TRAPPC10: variants seen among roughly 807,000 people sequenced by gnomAD.
The protein encoded by TRAPPC10 is trafficking protein particle complex subunit 10.
TRAPPC10 carries 23 observed loss-of-function variants against 125.5 expected under a neutral mutation model. The observed-to-expected ratio is 0.18, with a 90% CI of 0.13 to 0.26. TRAPPC10 has a LOEUF of 0.26. TRAPPC10 is among the 10% of genes least tolerant of loss of function. The pLI is 1.00. For synonymous variants in TRAPPC10, 509 were observed against 518.0 expected (o/e 0.98, Z 0.24); for missense variants, 1,123 against 1,308.4 (o/e 0.86, Z 2.19).
At chr21:44,067,191 A>C (rs2036515714) in intron 7 of TRAPPC10, among the ~76,000 whole-genome samples, 1 of 152,148 alleles carries the variant, frequency 6.6e-6, no homozygotes, top group African/African-American at 2.4e-5. Context: ...ACGCCGTCGG[A>C]GTTAGCTGGC....
At position 44,059,028 on chromosome 21, in the gene TRAPPC10, A is replaced by G; in HGVS notation, c.679-75A>G. 1 of 1,039,690 alleles carries G rather than the reference A, an allele frequency of 9.6e-7. No individual in the cohort carries two copies. Among genetic ancestry groups the G allele is most frequent in the South Asian group, 2.2e-5 (1 of 45,610 alleles). The allele number at this position is 1,039,690 out of a possible 1,614,324, so 64.4% of individuals were successfully genotyped here. A position where few individuals can be genotyped will look rare whatever the true frequency, so the allele number is the denominator to read the frequency against. On this transcript the variant is annotated intron_variant, in intron 5 of 22. Transcript: ENST00000291574. The surrounding 1 kb of genome is among the most constrained non-coding windows in gnomAD (Gnocchi z 4.4). The stretch of plus-strand genomic sequence containing the variant: ...TGCTGCGTGCCTTTCTCTGTCGTTT[A>G]ATGGCTACATACTGTTTCTTCTATA...
At position 44,063,794 on chromosome 21, in the gene TRAPPC10, G is replaced by A; in HGVS notation, c.1038+9G>A. 1.2e-6 allele frequency: 2 copies of A among 1,607,098 alleles called. No individual in the cohort carries two copies. Among genetic ancestry groups the A allele is most frequent in the East Asian group, 4.5e-5 (2 of 44,776 alleles). The stretch of plus-strand genomic sequence containing the variant: ...AACTGAAGCTCTTAGAAGTGAGTCG[G>A]CTGTTTTCCCAATTTACCCGTTTCT... On this transcript the variant is annotated intron_variant, in intron 7 of 22. Transcript: ENST00000291574. This position sits in a 1 kb window ranked among gnomAD's most constrained non-coding sequence, Gnocchi z 4.4.
intron 10 of TRAPPC10, among the ~76,000 whole-genome samples, 192 bp downstream of exon 10, chr21:44,076,820 T>C (rs1325893600): frequency 6.6e-6 from 1 of 152,204 alleles, no homozygotes; most frequent in Non-Finnish European, 1.5e-5. Context: ...TTAGTGCCCA[T>C]GGTACCATGC....
chr21:44,014,651 A>G (rs1291163162), intron 1 of TRAPPC10, among the ~76,000 whole-genome samples: 3 of 142,846 alleles, frequency 2.1e-5, no homozygotes, highest in East Asian at 2.0e-4. Context: ...CTGGTCTCGA[A>G]CTCCTGACCT....
chr21:44,021,919 A>G (rs1412727527), intron 1 of TRAPPC10, among the ~76,000 whole-genome samples: 2 of 152,110 alleles, frequency 1.3e-5, no homozygotes, highest in East Asian at 1.9e-4. Flanking sequence ...TTCTTGACCT[A>G]CAGAGCTATG....
intron 7 of TRAPPC10, among the ~76,000 whole-genome samples, chr21:44,064,789 GTTC>G (rs1473945079): frequency 6.6e-6 from 1 of 152,184 alleles, no homozygotes; most frequent in Non-Finnish European, 1.5e-5. Flanking sequence ...AAAAGGAGAA[GTTC>G]TTATTTCAGA....
chr21:44,023,635 A>T (rs892503200), intron 1 of TRAPPC10, among the ~76,000 whole-genome samples: 1 of 152,168 alleles, frequency 6.6e-6, no homozygotes, highest in African/African-American at 2.4e-5. Flanking sequence ...GCACTTAGCA[A>T]TTGCCAAGGA....
chr21:44,052,544 G>T, intron 4 of TRAPPC10, 68 bp downstream of exon 4: 1 of 1,428,444 alleles, frequency 7.0e-7, no homozygotes, highest in South Asian at 1.4e-5. Flanking sequence ...TGGCTTCCTG[G>T]GTAGTAATAA....
At chr21:44,076,698 T>G in intron 10 of TRAPPC10, 70 bp downstream of exon 10, 2 of 1,365,666 alleles carry the variant, frequency 1.5e-6, no homozygotes, top group Non-Finnish European at 2.1e-6. Context: ...CTACATGGCC[T>G]GTTGAGTTGG....
chr21:44,032,637 C>T (rs1569150836), intron 2 of TRAPPC10, among the ~76,000 whole-genome samples: 2 of 152,162 alleles, frequency 1.3e-5, no homozygotes, highest in African/African-American at 4.8e-5. Flanking sequence ...CCTCCTCGGC[C>T]TCTCAAGGTG....
chr21:44,053,408 A>T (rs1365265894), intron 4 of TRAPPC10, among the ~76,000 whole-genome samples: 1 of 152,156 alleles, frequency 6.6e-6, no homozygotes, highest in Non-Finnish European at 1.5e-5. Context: ...CAATAAATGC[A>T]TTTCCAGACT....
chr21:44,081,005 C>CTTTTTTTTTTCTTTTTTT (rs2037673502), intron 13 of TRAPPC10, among the ~76,000 whole-genome samples: 2 of 103,866 alleles, frequency 1.9e-5, no homozygotes, highest in Admixed American at 1.0e-4. Flanking sequence ...TATTATTGTT[C>CTTTTTTTTTTCTTTTTTT]TTTTTTTTTT....
chr21:44,059,318 TTTG>T lies in TRAPPC10; in HGVS notation c.790+112_790+114del, dbSNP rs1272159507. ...TTATTTACCTCAGGAGTACGCATGT[TTTG>T]TTGTTGTCTTTATACACATTATATC... is the stretch of plus-strand genomic sequence containing the variant. On this transcript the variant is annotated intron_variant, in intron 6 of 22. Coordinates refer to ENST00000291574, the MANE Select transcript of TRAPPC10 (RefSeq NM_003274.5). The surrounding 1 kb of genome is among the most constrained non-coding windows in gnomAD (Gnocchi z 4.4). The T allele has an allele frequency of 2.6e-6, 2 of 769,696 alleles. No homozygotes were observed. Among genetic ancestry groups the T allele is most frequent in the African/African-American group, 3.5e-5 (2 of 57,082 alleles). The allele number at this position is 769,696 out of a possible 1,614,324, so 47.7% of individuals were successfully genotyped here. A position where few individuals can be genotyped will look rare whatever the true frequency, so the allele number is the denominator to read the frequency against.
chr21:44,093,967 C>G lies in TRAPPC10; in HGVS notation c.2998-96C>G, dbSNP rs934401576. On this transcript the variant is annotated intron_variant, in intron 19 of 22. Coordinates refer to ENST00000291574, the MANE Select transcript of TRAPPC10 (RefSeq NM_003274.5). ...GCGGGGCCTGCCCATGGTGTCTGCTCAGCACCCTTCGCATGGCGTGTGTTT... is the reference window on the plus strand; with the variant it reads ...GCGGGGCCTGCCCATGGTGTCTGCTGAGCACCCTTCGCATGGCGTGTGTTT... The G allele has an allele frequency of 9.6e-6, 13 of 1,353,640 alleles. No homozygotes were observed. The African/African-American group carries it at 1.9e-4, about 20-fold the overall frequency. The allele number at this position is 1,353,640 out of a possible 1,614,324, so 83.9% of individuals were successfully genotyped here.
intron 3 of TRAPPC10, among the ~76,000 whole-genome samples, chr21:44,040,026 C>CAATT (rs1284710164): frequency 1.3e-5 from 2 of 152,194 alleles, no homozygotes; most frequent in East Asian, 3.9e-4. Flanking sequence ...AATTGGTACA[C>CAATT]CTGCGCCACA....
chr21:44,019,162 T>C (rs1237628456), intron 1 of TRAPPC10, among the ~76,000 whole-genome samples: 1 of 152,116 alleles, frequency 6.6e-6, no homozygotes, highest in Non-Finnish European at 1.5e-5. Context: ...GGTCAGGTGA[T>C]TCTCCCACCT....
chr21:44,059,727 C>T lies in TRAPPC10; in HGVS notation c.790+513C>T. The T allele has an allele frequency of 2.1e-6, 1 of 475,278 alleles. No homozygotes were observed. The highest frequency in any genetic ancestry group is 3.7e-6 in the Non-Finnish European group (1 of 268,020). The allele number at this position is 475,278 out of a possible 1,614,324, so 29.4% of individuals were successfully genotyped here. A position where few individuals can be genotyped will look rare whatever the true frequency, so the allele number is the denominator to read the frequency against. Reference sequence around the variant, plus strand: ...AGAGAGAAACATTGGTTATTGTCCTCAGTGTTTTTCGCTGATACTTATTTT... The same window carrying T: ...AGAGAGAAACATTGGTTATTGTCCTTAGTGTTTTTCGCTGATACTTATTTT... On this transcript the variant is annotated intron_variant, in intron 6 of 22. Coordinates refer to ENST00000291574, the MANE Select transcript of TRAPPC10 (RefSeq NM_003274.5). The surrounding 1 kb of genome is among the most constrained non-coding windows in gnomAD (Gnocchi z 4.4).
chr21:44,058,689 T>C (rs1414732742), intron 5 of TRAPPC10, among the ~76,000 whole-genome samples: 1 of 150,994 alleles, frequency 6.6e-6, no homozygotes, highest in Non-Finnish European at 1.5e-5. Flanking sequence ...GGAGAGGGAA[T>C]AGTGAGTGTA....
At chr21:44,076,778 G>A in intron 10 of TRAPPC10, 150 bp downstream of exon 10, 1 of 611,844 alleles carries the variant, frequency 1.6e-6, no homozygotes, top group African/African-American at 1.9e-5. Context: ...GGGAGTTGTG[G>A]ACAAAACATG....
Sources: allele counts gnomAD v4.1 joint callset (sites outside exome capture counted in the v4.1 genomes callset), GRCh38; gene constraint gnomAD v4.1.1; non-coding constraint Gnocchi (gnomAD v3.1); transcripts MANE v1.5; gene names NCBI Gene and HGNC (gene_info 2026-07-23, HGNC 2026-07-21).